Variants in PCDHA7 observed in about 807,000 individuals in gnomAD.
PCDHA7 encodes protocadherin alpha 7.
A neutral mutation model predicts 57.2 loss-of-function variants in PCDHA7; 37 were observed. That is an observed-to-expected ratio of 0.65 (90% confidence interval 0.50 to 0.85). The LOEUF (loss-of-function observed/expected upper bound fraction) is 0.85, where lower values mean the gene tolerates loss of function less well. Among genes scored for constraint, PCDHA7 ranks in the 40% least tolerant of loss-of-function variants. The pLI is 0.00. For missense variants in PCDHA7, 1,188 were observed against 1,241.8 expected, an observed-to-expected ratio of 0.96 and a Z score of 0.65; for synonymous variants, 553 against 558.8, an observed-to-expected ratio of 0.99 and a Z score of 0.15.
At position 140,836,593 on chromosome 5, in the gene PCDHA7, C is replaced by T; in HGVS notation, c.2210C>T (p.Pro737Leu). The T allele has an allele frequency of 6.2e-7, 1 of 1,613,672 alleles. No homozygotes were observed. The highest frequency in any genetic ancestry group is 8.5e-7 in the Non-Finnish European group (1 of 1,179,808). The change falls in exon 1 of 4, where the codon CCC becomes CTC. Residue 737 changes from proline (P) to leucine (L), a missense_variant. Pro to Leu is a moderately conservative substitution (Grantham distance 98, BLOSUM62 -3). This residue lies in a region of PCDHA7 where 892 missense variants were observed against 788.5 expected (regional missense o/e 1.13). Transcript: ENST00000525929. Reference protein sequence around the residue: ...SSEGACSLVKPTLVCSSAVGS... With the variant: ...SSEGACSLVKLTLVCSSAVGS... ...GAGGGCGCATGTAGTTTGGTAAAGCCCACTCTGGTGTGCTCCAGCGCGGTG... is the reference window on the plus strand; with the variant it reads ...GAGGGCGCATGTAGTTTGGTAAAGCTCACTCTGGTGTGCTCCAGCGCGGTG...
At chr5:140,857,747 T>A in intron 1 of PCDHA7, 1 of 1,597,058 alleles carries the variant, frequency 6.3e-7, no homozygotes, top group Non-Finnish European at 8.6e-7. Flanking sequence ...GCTGCTGGCG[T>A]CTCCCGCTGG....
chr5:140,883,997 G>A, intron 1 of PCDHA7: 1 of 1,613,014 alleles, frequency 6.2e-7, no homozygotes, highest in Non-Finnish European at 8.5e-7. Context: ...GGGAGGCACA[G>A]TGAGCGAGCT....
At chr5:140,866,264 G>C (rs908649642) in intron 1 of PCDHA7, 1 of 152,052 alleles carries the variant, frequency 6.6e-6, no homozygotes, top group Admixed American at 6.5e-5. Flanking sequence ...TTTCTTTACT[G>C]TGAATAAAGA....
At chr5:140,922,837 C>T (rs1280492516) in intron 1 of PCDHA7, among the ~76,000 whole-genome samples, 2 of 152,134 alleles carry the variant, frequency 1.3e-5, no homozygotes, top group Non-Finnish European at 2.9e-5. Flanking sequence ...AATAGATGTC[C>T]TCAAAGAGAC....
rs1772879632 is a variant in PCDHA7, at chr5:140,834,278, A to G, written c.-106A>G. On this transcript the variant is annotated 5_prime_UTR_variant, in exon 1 of 4. The change abolishes an upstream ATG in the 5' untranslated region. Transcript: ENST00000525929. Reference sequence around the variant, plus strand: ...CGCTCCACTCTCTTTCACTCTTTGGATGCACAACAATGGCCACACATCGAG... The same window carrying G: ...CGCTCCACTCTCTTTCACTCTTTGGGTGCACAACAATGGCCACACATCGAG... The G allele has an allele frequency of 1.8e-6, 2 of 1,087,966 alleles. No homozygotes were observed. The highest frequency in any genetic ancestry group is 2.3e-5 in the Admixed American group (1 of 43,152). 67.4% of individuals were successfully genotyped at this position (1,087,966 alleles called of 1,614,324 possible).
intron 1 of PCDHA7, chr5:140,854,159 C>CA (rs59855104): frequency 0.067 from 22,471 of 337,648 alleles, 281 homozygotes; most frequent in African/African-American, 0.075. Flanking sequence ...GATTCTGTCT[C>CA]AAAAAAAAAA....
intron 1 of PCDHA7, among the ~76,000 whole-genome samples, chr5:140,946,757 C>T (rs1179265601): frequency 6.6e-6 from 1 of 151,268 alleles, no homozygotes; most frequent in Non-Finnish European, 1.5e-5. Context: ...ACTGCATGAT[C>T]TCATTCATGT....
chr5:140,990,205 G>T (rs2097380865), intron 3 of PCDHA7, among the ~76,000 whole-genome samples: 1 of 152,116 alleles, frequency 6.6e-6, no homozygotes, highest in Non-Finnish European at 1.5e-5. Context: ...ACCCGAAAGA[G>T]AACAAAGAGA....
At chr5:140,887,431 A>C (rs2061444829) in intron 1 of PCDHA7, among the ~76,000 whole-genome samples, 1 of 152,112 alleles carries the variant, frequency 6.6e-6, no homozygotes, top group African/African-American at 2.4e-5. Context: ...AAGTATTTTC[A>C]CTGGGCATAG....
intron 1 of PCDHA7, among the ~76,000 whole-genome samples, chr5:140,895,293 G>A (rs759197253): frequency 5.9e-5 from 9 of 151,430 alleles, no homozygotes; most frequent in African/African-American, 9.7e-5. Flanking sequence ...TAGGACCTTC[G>A]ATTTCCCCCC....
intron 3 of PCDHA7, among the ~76,000 whole-genome samples, chr5:140,985,740 T>C (rs992695405): frequency 1.9e-5 from 1 of 53,688 alleles, no homozygotes; most frequent in Admixed American, 1.9e-4. Context: ...GATGAATTCC[T>C]TTTTTTTTTT....
chr5:140,847,349 A>T (rs1213665115), intron 1 of PCDHA7: 5 of 149,876 alleles, frequency 3.3e-5, no homozygotes, highest in Admixed American at 6.7e-5. Flanking sequence ...TTAGGCTGTT[A>T]TCAGTAGAAA....
intron 1 of PCDHA7, chr5:140,849,147 G>A (rs2150431262): frequency 2.3e-6 from 3 of 1,282,624 alleles, no homozygotes; most frequent in South Asian, 2.7e-5. Context: ...CACCGATGGA[G>A]GCAAACCCGA....
chr5:140,906,965 G>T (rs1273243518), intron 1 of PCDHA7, among the ~76,000 whole-genome samples: 1 of 152,124 alleles, frequency 6.6e-6, no homozygotes, highest in Non-Finnish European at 1.5e-5. Flanking sequence ...ATGGAATCGT[G>T]GTTGTGTCTT....
chr5:140,884,709 C>T (rs2060331114), intron 1 of PCDHA7: 1 of 1,477,632 alleles, frequency 6.8e-7, no homozygotes. Context: ...CTTTAGCCTT[C>T]CTTGCAGTTG....
chr5:140,859,320 G>A (rs1374549537), intron 1 of PCDHA7: 1 of 128,738 alleles, frequency 7.8e-6, no homozygotes, highest in African/African-American at 2.7e-5. Context: ...TTAAAAGTTT[G>A]AGGAGAAAAT....
rs2150492048 is a variant in PCDHA7, at chr5:140,850,648, A to T, written c.2355+13910A>T. The T allele has an allele frequency of 6.9e-6, 11 of 1,598,398 alleles. No individual in the cohort carries two copies. In the South Asian group the frequency reaches 1.1e-4, roughly 16 times the overall value. On this transcript the variant is annotated intron_variant, in intron 1 of 3. Coordinates refer to ENST00000525929, the MANE Select transcript of PCDHA7 (RefSeq NM_018910.3). ...CTGTTGGTTCTCACGCTGCTGCTGT[A>T]CACTGTGCTGCGGTGCTCGGCGATG...
intron 1 of PCDHA7, chr5:140,850,767 G>A: frequency 1.3e-6 from 2 of 1,598,126 alleles, no homozygotes; most frequent in Admixed American, 1.7e-5. Flanking sequence ...GAGGCAGAGG[G>A]TGTGCTCTGG....
chr5:140,983,340 A>AG (rs2097043854), intron 3 of PCDHA7, among the ~76,000 whole-genome samples: 1 of 152,240 alleles, frequency 6.6e-6, no homozygotes, highest in African/African-American at 2.4e-5. Flanking sequence ...TCACTAAAGC[A>AG]GGGTCATGTA....
Sources: allele counts gnomAD v4.1 joint callset (sites outside exome capture counted in the v4.1 genomes callset), GRCh38; gene constraint gnomAD v4.1.1; regional missense constraint gnomAD v4.1.1; transcripts MANE v1.5; gene names NCBI Gene and HGNC (gene_info 2026-07-23, HGNC 2026-07-21).